The following RAD51B variants were observed in gnomAD, a reference collection of about 807,000 sequenced individuals.
RAD51B encodes DNA repair protein RAD51 homolog 2.
RAD51B carries 38 observed loss-of-function variants against 42.2 expected under a neutral mutation model. The ratio of observed to expected loss-of-function variants is 0.90; its 90% CI spans 0.70 to 1.18. RAD51B has a LOEUF of 1.18. Ranked by LOEUF, RAD51B falls within the 50% of genes most tolerant of loss-of-function variation. The probability of loss-of-function intolerance (pLI) is 0.00; values close to 1 mark genes in which losing one functional copy is unlikely to be tolerated. For synonymous variants in RAD51B, 154 were observed against 145.2 expected, an observed-to-expected ratio of 1.06 and a Z score of -0.43; for missense variants, 373 against 400.7, an observed-to-expected ratio of 0.93 and a Z score of 0.59.
chr14:67,850,883 T>C (rs182162196), intron 4 of RAD51B, among the ~76,000 whole-genome samples: 4 of 152,234 alleles, frequency 2.6e-5, no homozygotes, highest in Non-Finnish European at 5.9e-5. Flanking sequence ...AGCTCTTGAC[T>C]CCTGGATCAG....
At chr14:68,112,658 T>G (rs1225136589) in intron 7 of RAD51B, among the ~76,000 whole-genome samples, 1 of 152,160 alleles carries the variant, frequency 6.6e-6, no homozygotes, top group Admixed American at 6.6e-5. Context: ...GCAGCTGGGC[T>G]GCAGCTGTGC....
chr14:67,985,707 G>T (rs1223647392), intron 7 of RAD51B, among the ~76,000 whole-genome samples: 8 of 151,344 alleles, frequency 5.3e-5, no homozygotes, highest in African/African-American at 1.9e-4. Context: ...TTCCAGACCA[G>T]CCTGTGCAAC....
intron 7 of RAD51B, among the ~76,000 whole-genome samples, chr14:68,266,047 C>T (rs937519313): frequency 6.6e-6 from 1 of 152,156 alleles, no homozygotes; most frequent in African/African-American, 2.4e-5. Flanking sequence ...ATTTGTATCC[C>T]TACCCCTGAG....
At chr14:68,446,109 C>A (rs537742895) in intron 9 of RAD51B, among the ~76,000 whole-genome samples, 12 of 152,256 alleles carry the variant, frequency 7.9e-5, no homozygotes, top group African/African-American at 2.2e-4. Context: ...TTATCGGCTG[C>A]CATTTTTATG....
At chr14:67,959,960 C>T (rs1008427250) in intron 7 of RAD51B, among the ~76,000 whole-genome samples, 4 of 151,976 alleles carry the variant, frequency 2.6e-5, no homozygotes, top group African/African-American at 9.7e-5. Flanking sequence ...TGGTGGGTGC[C>T]TGTAATCTCA....
At chr14:68,260,825 T>G (rs2080873058) in intron 7 of RAD51B, among the ~76,000 whole-genome samples, 1 of 152,216 alleles carries the variant, frequency 6.6e-6, no homozygotes, top group Admixed American at 6.5e-5. Flanking sequence ...GCTGATTTTC[T>G]CACATTTAGA....
chr14:68,143,600 C>A (rs1485507148), intron 7 of RAD51B, among the ~76,000 whole-genome samples: 1 of 152,192 alleles, frequency 6.6e-6, no homozygotes, highest in Non-Finnish European at 1.5e-5. Context: ...CCCCCCATAC[C>A]ACACACACAA....
intron 7 of RAD51B, among the ~76,000 whole-genome samples, chr14:68,275,681 T>C (rs192950349): frequency 6.6e-6 from 1 of 152,248 alleles, no homozygotes. Context: ...AAATTTTTCC[T>C]AAACCCTGTT....
Position 68,189,627 on chromosome 14 carries a change from C to A in RAD51B, c.757-102257C>A, listed in dbSNP as rs1180369971. Among the ~76,000 whole-genome samples the A allele has an allele frequency of 2.6e-5, 4 of 152,030 alleles. No homozygotes were observed. The East Asian group carries it at 5.8e-4, about 22-fold the overall frequency. On this transcript the variant is annotated intron_variant, in intron 7 of 10. Coordinates refer to ENST00000471583, the MANE Select transcript of RAD51B (RefSeq NM_133510.4). ...AACTTCCTTTTCCTCACTATTTATT[C>A]CTTATAGAAAAAAAGCAACTACCCC...
chr14:68,437,707 AGAG>A (rs2085180740), intron 9 of RAD51B, among the ~76,000 whole-genome samples: 2 of 152,226 alleles, frequency 1.3e-5, no homozygotes, highest in Admixed American at 1.3e-4. Context: ...CCATAGTAGT[AGAG>A]GAGAATACCC....
chr14:68,478,122 G>A (rs1282326539), downstream of RAD51B: 3 of 1,032,384 alleles, frequency 2.9e-6, no homozygotes, highest in Non-Finnish European at 3.5e-6. Flanking sequence ...AGGAATTGGG[G>A]TCTCCAAATA....
chr14:68,021,069 C>G (rs537504132), intron 7 of RAD51B, among the ~76,000 whole-genome samples: 2 of 152,184 alleles, frequency 1.3e-5, no homozygotes, highest in Admixed American at 6.5e-5. Flanking sequence ...CTGAATACCC[C>G]CCTGGGACCT....
intron 8 of RAD51B, among the ~76,000 whole-genome samples, chr14:68,405,056 GTAAC>G (rs1363187184): frequency 6.6e-5 from 10 of 152,188 alleles, no homozygotes; most frequent in African/African-American, 2.4e-4. Context: ...GGCTGTGTCA[GTAAC>G]TAACCATGTG....
chr14:68,437,619 T>C (rs932558382), intron 9 of RAD51B, among the ~76,000 whole-genome samples: 3 of 152,230 alleles, frequency 2.0e-5, no homozygotes, highest in African/African-American at 7.2e-5. Flanking sequence ...TCATCCTTCA[T>C]ATCCTTTCTG....
chr14:67,908,248 C>A (rs77726787), intron 7 of RAD51B: 6,846 of 152,220 alleles, frequency 0.045, 202 homozygotes, highest in Non-Finnish European at 0.073. Context: ...GGATTTGTAA[C>A]AGGCTCTCTG....
chr14:68,642,293 C>T (rs1280753041), intron 10 of RAD51B, among the ~76,000 whole-genome samples: 1 of 152,166 alleles, frequency 6.6e-6, no homozygotes. Context: ...TAGATATAGA[C>T]CTATTCAGAT....
chr14:67,852,636 T>A (rs2041864701), intron 4 of RAD51B, among the ~76,000 whole-genome samples: 1 of 152,210 alleles, frequency 6.6e-6, no homozygotes, highest in South Asian at 2.1e-4. Context: ...CAGTATTCTA[T>A]TAGTCACAGA....
chr14:68,142,682 A>G (rs1169540566), intron 7 of RAD51B, among the ~76,000 whole-genome samples: 1 of 152,192 alleles, frequency 6.6e-6, no homozygotes. Context: ...AGTGATAATT[A>G]TATGTAATAA....
chr14:68,333,489 A>G (rs2082388421), intron 8 of RAD51B, among the ~76,000 whole-genome samples: 1 of 152,232 alleles, frequency 6.6e-6, no homozygotes, highest in Admixed American at 6.5e-5. Flanking sequence ...GGCAGCCTCT[A>G]GTCTGATGTG....
Sources: allele counts gnomAD v4.1 joint callset (sites outside exome capture counted in the v4.1 genomes callset), GRCh38; gene constraint gnomAD v4.1.1; transcripts MANE v1.5; gene names NCBI Gene and HGNC (gene_info 2026-07-23, HGNC 2026-07-21).